PHACTR1: variants seen among roughly 807,000 people sequenced by gnomAD.
The protein encoded by PHACTR1 is phosphatase and actin regulator 1.
In PHACTR1, 16 loss-of-function variants were observed where a neutral mutation model predicts 69.2. The ratio of observed to expected loss-of-function variants is 0.23; its 90% CI spans 0.16 to 0.35. The LOEUF (loss-of-function observed/expected upper bound fraction) is 0.35. Ranked by LOEUF, PHACTR1 falls within the 10% of genes least tolerant of loss-of-function variation. The probability of loss-of-function intolerance (pLI) is 1.00; values close to 1 mark genes in which losing one functional copy is unlikely to be tolerated. For synonymous variants in PHACTR1, 312 were observed against 284.5 expected, an observed-to-expected ratio of 1.10 and a Z score of -0.97; for missense variants, 510 against 734.7, an observed-to-expected ratio of 0.69 and a Z score of 3.54.
intron 8 of PHACTR1, among the ~76,000 whole-genome samples, chr6:13,219,747 G>T (rs188222539): frequency 6.6e-6 from 1 of 152,272 alleles, no homozygotes; most frequent in East Asian, 1.9e-4. Context: ...AGAGTAGCTG[G>T]ATTGTGTGAA....
intron 8 of PHACTR1, among the ~76,000 whole-genome samples, chr6:13,215,984 A>G (rs1767610788): frequency 2.1e-5 from 2 of 94,880 alleles, no homozygotes; most frequent in Non-Finnish European, 5.4e-5. Flanking sequence ...CTTTCCTTTA[A>G]AATTATAACT....
chr6:13,174,992 G>A (rs1044254700), intron 6 of PHACTR1, among the ~76,000 whole-genome samples: 38 of 152,150 alleles, frequency 2.5e-4, no homozygotes, highest in East Asian at 3.9e-4. Flanking sequence ...GCTGGACACC[G>A]AAGATGCTCC....
At chr6:12,944,358 A>G (rs1432654701) in intron 4 of PHACTR1, among the ~76,000 whole-genome samples, 3 of 152,236 alleles carry the variant, frequency 2.0e-5, no homozygotes, top group African/African-American at 7.2e-5. Flanking sequence ...GCTGCCTAAA[A>G]ATGCAAAACA....
intron 4 of PHACTR1, among the ~76,000 whole-genome samples, chr6:12,905,307 G>C (rs1462945115): frequency 6.6e-6 from 1 of 152,156 alleles, no homozygotes; most frequent in Non-Finnish European, 1.5e-5. Context: ...AAGATCCATT[G>C]GAATGTATAT....
chr6:13,011,115 T>C (rs948852825), intron 4 of PHACTR1, among the ~76,000 whole-genome samples: 1 of 152,210 alleles, frequency 6.6e-6, no homozygotes, highest in African/African-American at 2.4e-5. Context: ...ATTCTCGAAT[T>C]TAGTCTGAGA....
At chr6:13,050,996 T>C (rs542342969) in intron 4 of PHACTR1, among the ~76,000 whole-genome samples, 2 of 152,260 alleles carry the variant, frequency 1.3e-5, no homozygotes, top group South Asian at 4.1e-4. Context: ...GTCCTCCTGA[T>C]TGTTCTCGCT....
chr6:12,877,961 G>T (rs888826486), intron 4 of PHACTR1, among the ~76,000 whole-genome samples: 1 of 152,178 alleles, frequency 6.6e-6, no homozygotes, highest in Non-Finnish European at 1.5e-5. Flanking sequence ...TCACAGTGGG[G>T]AAGATCAAAT....
chr6:13,205,777 CA>C, intron 7 of PHACTR1, 37 bp from the exon 8 acceptor site: 2 of 1,535,580 alleles, frequency 1.3e-6, no homozygotes, highest in Non-Finnish European at 1.8e-6. Context: ...CTGATGCCCC[CA>C]AACTCACATC....
intron 7 of PHACTR1, among the ~76,000 whole-genome samples, chr6:13,193,566 T>G (rs2113794807): frequency 6.6e-6 from 1 of 151,150 alleles, no homozygotes; most frequent in East Asian, 1.9e-4. Flanking sequence ...TTTTAAAATT[T>G]TTTTAGAGAC....
intron 4 of PHACTR1, among the ~76,000 whole-genome samples, chr6:12,906,727 C>T (rs1785772646): frequency 6.6e-6 from 1 of 152,182 alleles, no homozygotes; most frequent in African/African-American, 2.4e-5. Context: ...ACAGAGGAAA[C>T]TGAATACACT....
At position 13,283,237 on chromosome 6, in the gene PHACTR1, C is replaced by T; in HGVS notation, c.1510-185C>T. 4.7e-6 allele frequency: 3 copies of T among 640,282 alleles called. No homozygotes were observed. Among genetic ancestry groups the T allele is most frequent in the East Asian group, 3.0e-5 (1 of 33,898 alleles). The allele number at this position is 640,282 out of a possible 1,614,324, so 39.7% of individuals were successfully genotyped here. A position where few individuals can be genotyped will look rare whatever the true frequency, so the allele number is the denominator to read the frequency against. ...CTTAGGACCTAGAAACGTCCCACTC[C>T]CAAGAGTCAGGAGACTTGGGTCCCC... On this transcript the variant is annotated intron_variant, in intron 12 of 14. Transcript: ENST00000332995. The surrounding 1 kb of genome is among the most constrained non-coding windows in gnomAD (Gnocchi z 4.7).
chr6:13,173,991 T>C (rs899180186), intron 6 of PHACTR1, among the ~76,000 whole-genome samples: 12 of 152,228 alleles, frequency 7.9e-5, no homozygotes, highest in Non-Finnish European at 1.5e-5. Flanking sequence ...ACAAGCGTTT[T>C]CCATTGAAAA....
At chr6:13,137,974 T>C (rs1489153107) in intron 5 of PHACTR1, among the ~76,000 whole-genome samples, 1 of 152,180 alleles carries the variant, frequency 6.6e-6, no homozygotes, top group Non-Finnish European at 1.5e-5. Flanking sequence ...ACAGCAACCA[T>C]TGTCAAAGAG....
At chr6:12,841,253 A>T (rs1321776107) in intron 4 of PHACTR1, among the ~76,000 whole-genome samples, 2 of 152,160 alleles carry the variant, frequency 1.3e-5, no homozygotes, top group African/African-American at 4.8e-5. Flanking sequence ...TGAAGCCCTG[A>T]CCCTAAGACC....
chr6:12,949,269 C>CA (rs201027793), intron 4 of PHACTR1, among the ~76,000 whole-genome samples: 2,354 of 56,272 alleles, frequency 0.042, 55 homozygotes, highest in African/African-American at 0.063. Context: ...AACGTCATCT[C>CA]AAAAAAAAAA....
chr6:12,738,163 T>C (rs981030840), intron 3 of PHACTR1, among the ~76,000 whole-genome samples: 1 of 152,214 alleles, frequency 6.6e-6, no homozygotes, highest in Non-Finnish European at 1.5e-5. Context: ...TTAAAAACAC[T>C]GGCATTTGTG....
At chr6:13,029,161 G>T (rs1231845739) in intron 4 of PHACTR1, among the ~76,000 whole-genome samples, 1 of 152,202 alleles carries the variant, frequency 6.6e-6, no homozygotes, top group Non-Finnish European at 1.5e-5. Flanking sequence ...GGTAGTAAGT[G>T]TTGGGGTTAG....
intron 4 of PHACTR1, among the ~76,000 whole-genome samples, chr6:12,985,828 A>C (rs1319201250): frequency 1.3e-5 from 2 of 151,864 alleles, no homozygotes; most frequent in African/African-American, 4.8e-5. Context: ...TTAAGTTCAA[A>C]AACATGCTAA....
chr6:13,002,403 A>C (rs561804489), intron 4 of PHACTR1, among the ~76,000 whole-genome samples: 46 of 152,038 alleles, frequency 3.0e-4, no homozygotes, highest in African/African-American at 1.1e-3. Flanking sequence ...GGAATTACCT[A>C]TCTCTCTCAT....
Sources: gnomAD v4.1 joint callset for allele counts (sites outside exome capture counted in the v4.1 genomes callset) on GRCh38, gnomAD v4.1.1 for gene constraint, Gnocchi (gnomAD v3.1) non-coding constraint, MANE v1.5 for transcripts, NCBI Gene and HGNC (gene_info 2026-07-23, HGNC 2026-07-21) for gene names.